USH2A: variants seen among roughly 807,000 people sequenced by gnomAD.
The protein encoded by USH2A is usherin, also known as Usher syndrome 2A (autosomal recessive, mild).
USH2A carries 443 observed loss-of-function variants against 538.9 expected under a neutral mutation model. That is an observed-to-expected ratio of 0.82 (90% CI 0.76 to 0.89). The LOEUF is 0.89. USH2A is among the 40% of genes least tolerant of loss of function. The pLI, the probability that USH2A is intolerant of heterozygous loss-of-function variation, is 0.00. For missense variants in USH2A, 6,633 were observed against 6,324.8 expected, an observed-to-expected ratio of 1.05 and a Z score of -1.65; for synonymous variants, 2,413 against 2,273.5, an observed-to-expected ratio of 1.06 and a Z score of -1.75.
At chr1:216,297,617 T>A (rs2037132543) in intron 9 of USH2A, among the ~76,000 whole-genome samples, 1 of 152,106 alleles carries the variant, frequency 6.6e-6, no homozygotes, top group South Asian at 2.1e-4. Flanking sequence ...GCACCAGCAG[T>A]ATATGACTGT....
In USH2A at chr1:215,947,267, C is replaced by T. The variant is rs536048770; in HGVS notation, c.7121-12472G>A. Reference sequence around the variant, plus strand: ...CCATGTCACCCAGACTGGTCTCAAACTCCTGACTTCAGGTGGTCTGCCACC... The same window carrying T: ...CCATGTCACCCAGACTGGTCTCAAATTCCTGACTTCAGGTGGTCTGCCACC... On this transcript the variant is annotated intron_variant, in intron 37 of 71. Coordinates refer to ENST00000307340, the MANE Select transcript of USH2A (RefSeq NM_206933.4). 2.3e-3 allele frequency among the ~76,000 whole-genome samples: 351 copies of T among 152,268 alleles called. 3 individuals carry two copies. Among genetic ancestry groups the T allele is most frequent in the African/African-American group, 8.3e-3 (344 of 41,542 alleles).
At chr1:215,938,810 T>C (rs1044271472) in intron 37 of USH2A, among the ~76,000 whole-genome samples, 7 of 152,104 alleles carry the variant, frequency 4.6e-5, no homozygotes, top group Admixed American at 2.0e-4. Context: ...ACTTAGCTCT[T>C]TGCAAAATGA....
chr1:215,637,078 T>G (rs6540901), intron 69 of USH2A, among the ~76,000 whole-genome samples: 4,977 of 152,084 alleles, frequency 0.033, 194 homozygotes, highest in African/African-American at 0.092. Flanking sequence ...ACTGTCAGGG[T>G]TTGAAACTCT....
intron 26 of USH2A, 114 bp from the exon 27 acceptor site, chr1:216,078,476 A>G (rs1430157067): frequency 2.9e-5 from 28 of 962,644 alleles, no homozygotes; most frequent in Non-Finnish European, 1.6e-5. Flanking sequence ...CCCTGAAAGC[A>G]CTCTATAGAA....
chr1:215,944,808 C>T (rs750002755), intron 37 of USH2A, among the ~76,000 whole-genome samples: 5 of 151,838 alleles, frequency 3.3e-5, no homozygotes, highest in Non-Finnish European at 7.4e-5. Flanking sequence ...ATATGTCTTC[C>T]TGAAAAAAAA....
chr1:216,299,537 T>TA (rs778781969), intron 9 of USH2A, among the ~76,000 whole-genome samples: 8 of 152,130 alleles, frequency 5.3e-5, no homozygotes, highest in Non-Finnish European at 1.2e-4. Flanking sequence ...GGTTTACAGA[T>TA]AAAGTTTATA....
At chr1:216,374,526 C>T (rs1195568577) in intron 3 of USH2A, among the ~76,000 whole-genome samples, 3 of 152,110 alleles carry the variant, frequency 2.0e-5, no homozygotes, top group Admixed American at 6.6e-5. Flanking sequence ...ATCTGCCAGG[C>T]TTCCACACTG....
intron 21 of USH2A, among the ~76,000 whole-genome samples, chr1:216,162,944 T>TTAG (rs2034088425): frequency 1.3e-5 from 2 of 152,136 alleles, no homozygotes; most frequent in Admixed American, 1.3e-4. Flanking sequence ...TCAGCATCAA[T>TTAG]CTTCTCTCTG....
chr1:215,768,027 T>G (rs1661180819), intron 55 of USH2A, among the ~76,000 whole-genome samples: 1 of 152,090 alleles, frequency 6.6e-6, no homozygotes, highest in African/African-American at 2.4e-5. Flanking sequence ...GAGCTACATT[T>G]TCGCATATTT....
At chr1:215,844,804 T>C (rs1437130510) in intron 45 of USH2A, among the ~76,000 whole-genome samples, 1 of 152,194 alleles carries the variant, frequency 6.6e-6, no homozygotes, top group Non-Finnish European at 1.5e-5. Flanking sequence ...CTATTTTTTG[T>C]CTTTTTTCCA....
chr1:216,334,194 C>T (rs954419123), intron 4 of USH2A, among the ~76,000 whole-genome samples: 15 of 151,810 alleles, frequency 9.9e-5, no homozygotes, highest in African/African-American at 2.9e-4. Flanking sequence ...TAGACAATAA[C>T]GGCACAAAAG....
At chr1:215,861,918 CA>C (rs1664327407) in intron 44 of USH2A, among the ~76,000 whole-genome samples, 1 of 145,960 alleles carries the variant, frequency 6.9e-6, no homozygotes, top group Admixed American at 7.1e-5. Flanking sequence ...CGGCTCACTG[CA>C]ACCTCCGCCT....
intron 16 of USH2A, chr1:216,204,042 A>G (rs1246408642): frequency 6.1e-6 from 1 of 162,970 alleles, no homozygotes; most frequent in Non-Finnish European, 1.5e-5. Flanking sequence ...AAAAGGATAT[A>G]GTCTCTAATC....
intron 64 of USH2A, among the ~76,000 whole-genome samples, chr1:215,664,311 AAT>A (rs1446771354): frequency 2.0e-5 from 3 of 152,156 alleles, no homozygotes; most frequent in Non-Finnish European, 2.9e-5. Context: ...TTAGTGAATA[AAT>A]ATGTTAGGTT....
chr1:216,324,287 C>T lies in USH2A; in HGVS notation c.1209G>A (p.Lys403=), dbSNP rs749233517. The T allele has an allele frequency of 6.2e-7, 1 of 1,613,118 alleles. No homozygotes were observed. The highest frequency in any genetic ancestry group is 1.1e-5 in the South Asian group (1 of 91,036). The change falls in exon 7 of 72, where the codon AAG becomes AAA. Residue 403 remains lysine (K), a synonymous_variant. Coordinates refer to ENST00000307340, the MANE Select transcript of USH2A (RefSeq NM_206933.4). ...QPTEIRIQRK[K]ENSLDWEDWQ... Reference sequence around the variant, plus strand: ...AGTCCTCCCAATCTAAACTATTTTCCTTCTTCCTTTGAATCCTTATTTCCG... The same window carrying T: ...AGTCCTCCCAATCTAAACTATTTTCTTTCTTCCTTTGAATCCTTATTTCCG...
intron 38 of USH2A, among the ~76,000 whole-genome samples, chr1:215,913,844 T>C (rs560182384): frequency 6.6e-6 from 1 of 152,014 alleles, no homozygotes; most frequent in South Asian, 2.1e-4. Flanking sequence ...AGCTCATTCT[T>C]ATATGGATCA....
intron 38 of USH2A, among the ~76,000 whole-genome samples, chr1:215,921,227 A>C (rs1185565847): frequency 6.6e-6 from 1 of 152,082 alleles, no homozygotes; most frequent in Non-Finnish European, 1.5e-5. Context: ...ATATGACAGA[A>C]GTTGGGCAAA....
chr1:216,016,980 G>A (rs996368546), intron 32 of USH2A, among the ~76,000 whole-genome samples: 36 of 151,968 alleles, frequency 2.4e-4, no homozygotes, highest in African/African-American at 8.2e-4. Flanking sequence ...ATAAAAAGGC[G>A]TCCATGAAAA....
chr1:215,971,429 C>T (rs1667492478), intron 35 of USH2A, among the ~76,000 whole-genome samples: 2 of 152,132 alleles, frequency 1.3e-5, no homozygotes, highest in South Asian at 4.2e-4. Flanking sequence ...ACATAGACCC[C>T]CTTAGTAATG....
Sources: allele counts gnomAD v4.1 joint callset (sites outside exome capture counted in the v4.1 genomes callset), GRCh38; gene constraint gnomAD v4.1.1; transcripts MANE v1.5; gene names NCBI Gene and HGNC (gene_info 2026-07-23, HGNC 2026-07-21).